The following PCOLCE2 variants were observed in gnomAD, a reference collection of about 807,000 sequenced individuals.
PCOLCE2 encodes the protein procollagen C-proteinase enhancer 2.
Under a neutral mutation model 47.0 loss-of-function variants are expected in PCOLCE2, and 42 were observed. The ratio of observed to expected loss-of-function variants is 0.89; its 90% CI spans 0.70 to 1.16. The LOEUF (loss-of-function observed/expected upper bound fraction) is 1.16, where lower values mean the gene tolerates loss of function less well. Ranked by LOEUF, PCOLCE2 falls within the 50% of genes most tolerant of loss-of-function variation. The pLI, the probability that PCOLCE2 is intolerant of heterozygous loss-of-function variation, is 0.00. For synonymous variants in PCOLCE2, 169 were observed against 191.7 expected (o/e 0.88, Z 0.98); for missense variants, 500 against 526.1 (o/e 0.95, Z 0.49).
intron 2 of PCOLCE2, among the ~76,000 whole-genome samples, chr3:142,884,780 T>G (rs1458389823): frequency 6.6e-6 from 1 of 152,160 alleles, no homozygotes. Flanking sequence ...CCTCAACATT[T>G]TACGTGAGTA....
chr3:142,882,999 G>A (rs1933654872), intron 2 of PCOLCE2, among the ~76,000 whole-genome samples: 1 of 151,992 alleles, frequency 6.6e-6, no homozygotes, highest in African/African-American at 2.4e-5. Flanking sequence ...AGGAGATCGA[G>A]ACCATCCTGG....
Position 142,842,955 on chromosome 3 carries a change from C to A in PCOLCE2, c.542G>T (p.Cys181Phe), listed in dbSNP as rs1937281279. ...PDRDYPAGVT[C>F]VWHIVAPKNQ... Reference sequence around the variant, plus strand: ...CTTTGGGGCTACAATGTGCCACACACAAGTGACTCCTGCAGGGTAATCCCG... The same window carrying A: ...CTTTGGGGCTACAATGTGCCACACAAAAGTGACTCCTGCAGGGTAATCCCG... Residue 181 changes from cysteine (C) to phenylalanine (F), a missense_variant, in exon 4 of 9, where the codon TGT becomes TTT. By Grantham distance (205) the Cys-to-Phe change is radical. Transcript: ENST00000295992. The surrounding 1 kb of genome is among the most constrained non-coding windows in gnomAD (Gnocchi z 4.1). The A allele has an allele frequency of 1.2e-6, 2 of 1,614,118 alleles. No individual in the cohort carries two copies. The highest frequency in any genetic ancestry group is 1.7e-6 in the Non-Finnish European group (2 of 1,179,980).
intron 2 of PCOLCE2, among the ~76,000 whole-genome samples, chr3:142,858,507 CAT>C (rs1486420009): frequency 6.6e-6 from 1 of 152,190 alleles, no homozygotes; most frequent in African/African-American, 2.4e-5. Flanking sequence ...CATGCGCACA[CAT>C]ATATGTGCGT....
intron 5 of PCOLCE2, among the ~76,000 whole-genome samples, chr3:142,830,865 G>C (rs138906719): frequency 1.4e-3 from 214 of 152,324 alleles, no homozygotes; most frequent in African/African-American, 5.0e-3. Context: ...ACCTTTTTGA[G>C]ACATCTTCTC....
rs1937234668 is a variant in PCOLCE2, at chr3:142,838,902, A to G, written c.578T>C (p.Ile193Thr). ...ATCAAACTTCTCAAACTTTAATTCT[A>G]TAAGCTTTAGAGAAAGCACAATAGA... Reference protein sequence around the residue: ...WHIVAPKNQLIELKFEKFDVE... With the variant: ...WHIVAPKNQLTELKFEKFDVE... The change falls in exon 5 of 9, where the codon ATA (isoleucine) becomes ACA (threonine). Residue 193 changes from isoleucine to threonine, a missense_variant. Physicochemically the swap from Ile to Thr is moderately conservative, Grantham distance 89. Coordinates refer to ENST00000295992, the MANE Select transcript of PCOLCE2 (RefSeq NM_013363.4). 2 of 1,610,758 alleles carry G rather than the reference A, an allele frequency of 1.2e-6. No homozygotes were observed. The highest frequency in any genetic ancestry group is 1.3e-5 in the African/African-American group (1 of 74,986).
rs532064595 is a variant in PCOLCE2, at chr3:142,870,667, GAGTA to G, written c.192+16998_192+17001del. ...ACACCAGAGCAAGCCATTTGAAACAGAGTAAGTGTCTTTATTGCCATTATCAGTG... is the reference window on the plus strand; with the variant it reads ...ACACCAGAGCAAGCCATTTGAAACAGAGTGTCTTTATTGCCATTATCAGTG... On this transcript the variant is annotated intron_variant, in intron 2 of 8. Coordinates refer to ENST00000295992, the MANE Select transcript of PCOLCE2 (RefSeq NM_013363.4). Among the ~76,000 whole-genome samples, 133 of 151,584 alleles carry G rather than the reference GAGTA, an allele frequency of 8.8e-4. 1 individual carries two copies. Among genetic ancestry groups the G allele is most frequent in the Admixed American group, 5.1e-3 (77 of 15,236 alleles).
chr3:142,864,227 C>T (rs546829145), intron 2 of PCOLCE2: 1 of 152,182 alleles, frequency 6.6e-6, no homozygotes, highest in African/African-American at 2.4e-5. Flanking sequence ...CCAAGTTTCA[C>T]CAAGCACCTT....
At chr3:142,836,923 C>G (rs1479710657) in intron 5 of PCOLCE2, among the ~76,000 whole-genome samples, 28 of 152,190 alleles carry the variant, frequency 1.8e-4, no homozygotes, top group Non-Finnish European at 4.4e-5. Context: ...ACAATGTCCA[C>G]ATCCTAATCC....
chr3:142,872,056 C>G (rs538320866), intron 2 of PCOLCE2, among the ~76,000 whole-genome samples: 1 of 152,056 alleles, frequency 6.6e-6, no homozygotes, highest in African/African-American at 2.4e-5. Context: ...CTTTTGGCCA[C>G]GGGAAGCCCC....
chr3:142,883,665 T>C (rs1933668751), intron 2 of PCOLCE2, among the ~76,000 whole-genome samples: 1 of 151,590 alleles, frequency 6.6e-6, no homozygotes, highest in Admixed American at 6.6e-5. Context: ...GTGATCCACC[T>C]GCCTCAGCCT....
intron 7 of PCOLCE2, among the ~76,000 whole-genome samples, chr3:142,821,289 C>A (rs1229240112): frequency 6.6e-6 from 1 of 152,166 alleles, no homozygotes; most frequent in East Asian, 1.9e-4. Flanking sequence ...TGCCACACTG[C>A]GGTCCATTGC....
At chr3:142,858,861 T>C (rs1332771299) in intron 2 of PCOLCE2, among the ~76,000 whole-genome samples, 6 of 152,160 alleles carry the variant, frequency 3.9e-5, no homozygotes, top group Non-Finnish European at 8.8e-5. Flanking sequence ...GGGCATTCTT[T>C]CAATTCTCCG....
chr3:142,835,361 C>A (rs1361470389), intron 5 of PCOLCE2, among the ~76,000 whole-genome samples: 1 of 152,114 alleles, frequency 6.6e-6, no homozygotes. Flanking sequence ...ATGCTTTCTG[C>A]CTAAAATTGA....
At chr3:142,882,993 G>A (rs1369159232) in intron 2 of PCOLCE2, among the ~76,000 whole-genome samples, 2 of 151,902 alleles carry the variant, frequency 1.3e-5, no homozygotes, top group African/African-American at 2.4e-5. Flanking sequence ...GAGGTCAGGA[G>A]ATCGAGACCA....
chr3:142,866,969 A>G (rs1399129998), intron 2 of PCOLCE2, among the ~76,000 whole-genome samples: 1 of 152,214 alleles, frequency 6.6e-6, no homozygotes, highest in Non-Finnish European at 1.5e-5. Context: ...TTGTGGCCAG[A>G]CAGGTAGAAG....
chr3:142,869,893 T>C (rs1345399596), intron 2 of PCOLCE2, among the ~76,000 whole-genome samples: 2 of 152,250 alleles, frequency 1.3e-5, no homozygotes, highest in Non-Finnish European at 2.9e-5. Context: ...CAGGGCCTCC[T>C]GGGCCTGTGG....
At chr3:142,832,110 G>C (rs1445956472) in intron 5 of PCOLCE2, among the ~76,000 whole-genome samples, 3 of 152,148 alleles carry the variant, frequency 2.0e-5, no homozygotes, top group Non-Finnish European at 4.4e-5. Context: ...TCATTCCATA[G>C]TCTTCCTGTC....
At chr3:142,818,858 C>T (rs935209233) in intron 8 of PCOLCE2, among the ~76,000 whole-genome samples, 1 of 152,222 alleles carries the variant, frequency 6.6e-6, no homozygotes, top group African/African-American at 2.4e-5. Flanking sequence ...AGCCATGTCC[C>T]GCTCTGCAGT....
intron 1 of PCOLCE2, chr3:142,888,516 G>A (rs937468123): frequency 8.8e-6 from 3 of 341,932 alleles, no homozygotes; most frequent in African/African-American, 2.1e-5. Context: ...CCATAGACAC[G>A]AGGAGAGGGG....
Sources: allele counts gnomAD v4.1 joint callset (sites outside exome capture counted in the v4.1 genomes callset), GRCh38; gene constraint gnomAD v4.1.1; non-coding constraint Gnocchi (gnomAD v3.1); transcripts MANE v1.5; gene names NCBI Gene and HGNC (gene_info 2026-07-23, HGNC 2026-07-21).